Variants in ITGA8 observed in about 807,000 individuals in gnomAD.
ITGA8 encodes the protein integrin alpha-8.
In ITGA8, 91 loss-of-function variants were observed where a neutral mutation model predicts 142.3. That is an observed-to-expected ratio of 0.64 (90% confidence interval 0.54 to 0.76). The LOEUF (loss-of-function observed/expected upper bound fraction) is 0.76. Among genes scored for constraint, ITGA8 ranks in the 30% least tolerant of loss-of-function variants. ITGA8 has a pLI of 0.00. For synonymous variants in ITGA8, 505 were observed against 485.2 expected (o/e 1.04, Z -0.54); for missense variants, 1,406 against 1,327.7 (o/e 1.06, Z -0.92).
At position 15,671,605 on chromosome 10, in the gene ITGA8, T is replaced by G; in HGVS notation, c.845A>C (p.Gln282Pro). 1.2e-6 allele frequency: 2 copies of G among 1,611,990 alleles called. No homozygotes were observed. The highest frequency in any genetic ancestry group is 1.7e-6 in the Non-Finnish European group (2 of 1,178,196). ...AAGEFTGDSQ[Q>P]ELVAGIPRGA... ...TTAAACTCAACAGTGCCTCTCACCT[T>G]GCTGAGAATCCCCAGTAAACTCCCC... Residue 282 changes from glutamine (Q) to proline (P), a missense_variant and splice_region_variant, in exon 8 of 30, where the codon CAA (glutamine) becomes CCA (proline). Physicochemically the swap from Gln to Pro is moderately conservative, Grantham distance 76 (BLOSUM62 -1). Coordinates refer to ENST00000378076, the MANE Select transcript of ITGA8 (RefSeq NM_003638.3).
chr10:15,626,238 T>G (rs1262152363), intron 13 of ITGA8, among the ~76,000 whole-genome samples: 4 of 152,172 alleles, frequency 2.6e-5, no homozygotes, highest in African/African-American at 9.7e-5. Flanking sequence ...TCTTTTCTTT[T>G]CTTTCTCTTT....
rs1832960035 is a variant in ITGA8 at position 15,516,315 on chromosome 10, A to T, written c.*843T>A. 6.6e-6 allele frequency: 1 copy of T among 152,246 alleles called. No homozygotes were observed. The highest frequency in any genetic ancestry group is 6.5e-5 in the Admixed American group (1 of 15,280). 9.4% of individuals were successfully genotyped at this position (152,246 alleles called of 1,614,324 possible). A position where few individuals can be genotyped will look rare whatever the true frequency, so the allele number is the denominator to read the frequency against. ...TGCAAAGCTAAATTAAGCAGATGTG[A>T]GTCCCTGGATAATGTGAGTGAAAGG... is the stretch of plus-strand genomic sequence containing the variant. On this transcript the variant is annotated 3_prime_UTR_variant, in exon 30 of 30. Transcript: ENST00000378076.
intron 26 of ITGA8, among the ~76,000 whole-genome samples, chr10:15,554,396 A>G (rs548553358): frequency 1.1e-3 from 171 of 152,312 alleles, no homozygotes; most frequent in Middle Eastern, 3.4e-3. Flanking sequence ...GATTACAAAA[A>G]ATAATGCACT....
chr10:15,568,755 G>A (rs10047313), intron 25 of ITGA8, among the ~76,000 whole-genome samples: 450 of 152,308 alleles, frequency 3.0e-3, no homozygotes, highest in African/African-American at 0.01. Context: ...GTCAAAGTAT[G>A]TATTTGTAAG....
intron 25 of ITGA8, among the ~76,000 whole-genome samples, chr10:15,569,648 G>A (rs1324040474): frequency 6.6e-6 from 1 of 152,050 alleles, no homozygotes; most frequent in East Asian, 1.9e-4. Flanking sequence ...CAAACTCCTG[G>A]CCTTACGTGA....
Position 15,719,876 on chromosome 10 carries a change from C to T in ITGA8, c.-105G>A, listed in dbSNP as rs1835532303. The stretch of plus-strand genomic sequence containing the variant: ...CTGGCGGTCCCCAGCTGCCCGTGTC[C>T]CGGGTCGGTGCGCTCGGCGCACCCG... On this transcript the variant is annotated 5_prime_UTR_variant, in exon 1 of 30. Coordinates refer to ENST00000378076, the MANE Select transcript of ITGA8 (RefSeq NM_003638.3). 5 of 906,392 alleles carry T rather than the reference C, an allele frequency of 5.5e-6. No homozygotes were observed. The highest frequency in any genetic ancestry group is 7.3e-6 in the Non-Finnish European group (5 of 681,050). The allele number at this position is 906,392 out of a possible 1,614,324, so 56.1% of individuals were successfully genotyped here. A position where few individuals can be genotyped will look rare whatever the true frequency, so the allele number is the denominator to read the frequency against.
At chr10:15,666,855 C>A (rs944883321) in intron 8 of ITGA8, among the ~76,000 whole-genome samples, 1 of 152,100 alleles carries the variant, frequency 6.6e-6, no homozygotes, top group Non-Finnish European at 1.5e-5. Flanking sequence ...GCCTTGCATC[C>A]GAGGGATGAA....
chr10:15,709,738 G>T (rs148365606), intron 2 of ITGA8, among the ~76,000 whole-genome samples: 1 of 152,076 alleles, frequency 6.6e-6, no homozygotes, highest in African/African-American at 2.4e-5. Context: ...AAGCTATTCC[G>T]CACACAAACA....
chr10:15,644,041 T>C lies in ITGA8; in HGVS notation c.1388A>G (p.Asn463Ser). The C allele has an allele frequency of 6.2e-7, 1 of 1,613,156 alleles. No homozygotes were observed. Among genetic ancestry groups the C allele is most frequent in the Non-Finnish European group, 8.5e-7 (1 of 1,179,314 alleles). The part of the protein sequence containing the change: ...TLRGDSDIDK[N>S]DYPDLIVGAF... Reference sequence around the variant, plus strand: ...AAAGAAAACCTTACCTGGGTAATCATTCTTGTCTATGTCTGAATCTCCTCT... The same window carrying C: ...AAAGAAAACCTTACCTGGGTAATCACTCTTGTCTATGTCTGAATCTCCTCT... Residue 463 changes from asparagine to serine, a missense_variant, in exon 13 of 30, where the codon AAT (asparagine) becomes AGT (serine). Coordinates refer to ENST00000378076, the MANE Select transcript of ITGA8 (RefSeq NM_003638.3).
In ITGA8 at chr10:15,550,490, A is replaced by G. The variant is rs563858339; in HGVS notation, c.2767-1922T>C. Among the ~76,000 whole-genome samples, 4 of 152,300 alleles carry G rather than the reference A, an allele frequency of 2.6e-5. No homozygotes were observed. The East Asian group carries it at 5.8e-4, about 22-fold the overall frequency. On this transcript the variant is annotated intron_variant, in intron 26 of 29. Coordinates refer to ENST00000378076, the MANE Select transcript of ITGA8 (RefSeq NM_003638.3). ...AGGTCAGGAGTTGTAGACTCCTTGC[A>G]GATGGGGAACCCAGATAGCCAGCTC...
intron 23 of ITGA8, among the ~76,000 whole-genome samples, chr10:15,575,943 G>A (rs1032278688): frequency 1.5e-4 from 7 of 47,146 alleles, no homozygotes; most frequent in Non-Finnish European, 2.5e-4. Flanking sequence ...GTGAGAACGT[G>A]TGTGTGTGTG....
intron 26 of ITGA8, among the ~76,000 whole-genome samples, chr10:15,551,160 A>C (rs1191791943): frequency 6.6e-6 from 1 of 151,976 alleles, no homozygotes; most frequent in Non-Finnish European, 1.5e-5. Context: ...AGACACCCAG[A>C]TCATGCCTTT....
chr10:15,599,207 C>T (rs892105889), intron 20 of ITGA8, among the ~76,000 whole-genome samples: 7 of 152,022 alleles, frequency 4.6e-5, no homozygotes, highest in Non-Finnish European at 7.4e-5. Flanking sequence ...TCCCCTCCAC[C>T]CTTTTTCTTT....
intron 12 of ITGA8, among the ~76,000 whole-genome samples, chr10:15,644,434 A>C (rs1833930177): frequency 0.011 from 1 of 94 alleles, no homozygotes; most frequent in Non-Finnish European, 0.042. Flanking sequence ...TGTCAGGCTA[A>C]TATATATATA....
intron 6 of ITGA8, among the ~76,000 whole-genome samples, chr10:15,674,644 T>C (rs1037148494): frequency 5.9e-5 from 9 of 152,136 alleles, no homozygotes; most frequent in African/African-American, 2.2e-4. Flanking sequence ...AATTTTATCA[T>C]AAATCAGCTG....
chr10:15,572,242 G>C lies in ITGA8; in HGVS notation c.2606C>G (p.Pro869Arg). ...ATCCTGTGGATTGATATTAGGATTT[G>C]GTTGGCACTGCAGAGGTCCCAGAGT... ...IQTLGPLQCQ[P>R]NPNINPQDIK... Residue 869 changes from proline (P) to arginine (R), a missense_variant, in exon 25 of 30, where the codon CCA becomes CGA. Pro to Arg is a moderately radical substitution (Grantham distance 103, BLOSUM62 -2). Coordinates refer to ENST00000378076, the MANE Select transcript of ITGA8 (RefSeq NM_003638.3). The C allele has an allele frequency of 6.2e-7, 1 of 1,613,862 alleles. No individual in the cohort carries two copies. The highest frequency in any genetic ancestry group is 1.1e-5 in the South Asian group (1 of 91,036).
intron 13 of ITGA8, among the ~76,000 whole-genome samples, chr10:15,634,474 T>C (rs921688806): frequency 6.6e-6 from 1 of 152,148 alleles, no homozygotes; most frequent in African/African-American, 2.4e-5. Context: ...AGAAAGTTGA[T>C]TAACTGGGTA....
At chr10:15,644,464 AT>A (rs1465999067) in intron 12 of ITGA8, among the ~76,000 whole-genome samples, 10 of 24,134 alleles carry the variant, frequency 4.1e-4, no homozygotes, top group Admixed American at 1.5e-3. Flanking sequence ...ATATATATAT[AT>A]ATATATATAT....
At chr10:15,625,682 A>G (rs1833568991) in intron 13 of ITGA8, among the ~76,000 whole-genome samples, 2 of 152,174 alleles carry the variant, frequency 1.3e-5, no homozygotes, top group African/African-American at 2.4e-5. Flanking sequence ...AAAAAGTCCT[A>G]TGTTGAAGTC....
Sources: allele counts gnomAD v4.1 joint callset (sites outside exome capture counted in the v4.1 genomes callset), GRCh38; gene constraint gnomAD v4.1.1; transcripts MANE v1.5; gene names NCBI Gene and HGNC (gene_info 2026-07-23, HGNC 2026-07-21).